The following PELI2 variants were observed in gnomAD, a reference collection of about 807,000 sequenced individuals.
The protein encoded by PELI2 is pellino E3 ubiquitin protein ligase family member 2, also known as E3 ubiquitin-protein ligase pellino homolog 2.
In PELI2, 23 loss-of-function variants were observed where a neutral mutation model predicts 42.3. The observed-to-expected ratio is 0.54, with a 90% CI of 0.39 to 0.77. The LOEUF (loss-of-function observed/expected upper bound fraction) is 0.77. Among genes scored for constraint, PELI2 ranks in the 30% least tolerant of loss-of-function variants. The pLI, the probability that PELI2 is intolerant of heterozygous loss-of-function variation, is 0.00. For missense variants in PELI2, 463 were observed against 553.2 expected, an observed-to-expected ratio of 0.84 and a Z score of 1.64; for synonymous variants, 245 against 212.2, an observed-to-expected ratio of 1.15 and a Z score of -1.34.
chr14:56,277,804 A>C lies in PELI2; in HGVS notation c.208-1872A>C, dbSNP rs528946854. ...GAATAAAAAACAAAATTTATAATTT[A>C]AGGTAAGCTGTTTTAAGCATGAGCA... On this transcript the variant is annotated intron_variant, in intron 2 of 5. Coordinates refer to ENST00000267460, the MANE Select transcript of PELI2 (RefSeq NM_021255.3). Among the ~76,000 whole-genome samples the C allele has an allele frequency of 4.2e-4, 64 of 152,328 alleles. 4 individuals carry two copies. The South Asian group carries it at 9.1e-3, about 22-fold the overall frequency.
chr14:56,134,191 A>G (rs1883601620), intron 1 of PELI2, among the ~76,000 whole-genome samples: 1 of 152,198 alleles, frequency 6.6e-6, no homozygotes, highest in African/African-American at 2.4e-5. Context: ...AAACTTTAAG[A>G]AAGAGAAGGG....
At chr14:56,218,638 T>C (rs1886998644) in intron 2 of PELI2, among the ~76,000 whole-genome samples, 1 of 152,240 alleles carries the variant, frequency 6.6e-6, no homozygotes, top group Non-Finnish European at 1.5e-5. Context: ...TTCTTCTTTA[T>C]TGTTGCGGGT....
chr14:56,173,078 C>G (rs1365009872), intron 1 of PELI2, among the ~76,000 whole-genome samples: 1 of 152,140 alleles, frequency 6.6e-6, no homozygotes, highest in African/African-American at 2.4e-5. Flanking sequence ...GTGAAGGCCC[C>G]AGGGTTATAA....
At chr14:56,262,737 C>A (rs1223786319) in intron 2 of PELI2, among the ~76,000 whole-genome samples, 1 of 152,160 alleles carries the variant, frequency 6.6e-6, no homozygotes, top group African/African-American at 2.4e-5. Context: ...TGTTCCTGAT[C>A]TAACTCTCTC....
intron 1 of PELI2, among the ~76,000 whole-genome samples, chr14:56,132,254 C>T (rs372136412): frequency 1.3e-5 from 2 of 152,336 alleles, no homozygotes; most frequent in South Asian, 4.1e-4. Context: ...ATCCAGGTCT[C>T]AGATTCTAAA....
chr14:56,127,806 A>G (rs1390526972), intron 1 of PELI2, among the ~76,000 whole-genome samples: 1 of 152,204 alleles, frequency 6.6e-6, no homozygotes, highest in Admixed American at 6.5e-5. Flanking sequence ...TTTCATTTCT[A>G]ATGAGAGGGA....
intron 1 of PELI2, among the ~76,000 whole-genome samples, chr14:56,147,040 A>G (rs925479924): frequency 6.6e-6 from 1 of 152,182 alleles, no homozygotes; most frequent in Non-Finnish European, 1.5e-5. Context: ...TTCATAACGT[A>G]GGATCACACA....
In PELI2 at chr14:56,288,804, A is replaced by G. The variant is rs1889727053; in HGVS notation, c.507+170A>G. ...GAAACTTGTTATTAAAAATCTGAAC[A>G]TTAATAAGCATTGCTTGTTATTCAT... On this transcript the variant is annotated intron_variant, in intron 4 of 5. Coordinates refer to ENST00000267460, the MANE Select transcript of PELI2 (RefSeq NM_021255.3). This position sits in a 1 kb window ranked among gnomAD's most constrained non-coding sequence, Gnocchi z 4.6. Among the ~76,000 whole-genome samples the G allele has an allele frequency of 6.6e-6, 1 of 152,226 alleles. No individual in the cohort carries two copies. The highest frequency in any genetic ancestry group is 1.5e-5 in the Non-Finnish European group (1 of 68,042).
chr14:56,181,285 A>G lies in PELI2; in HGVS notation c.207+2821A>G, dbSNP rs537071851. 1.4e-4 allele frequency among the ~76,000 whole-genome samples: 20 copies of G among 142,864 alleles called. No individual in the cohort carries two copies. The South Asian group carries it at 1.6e-3, about 11-fold the overall frequency. 93.7% of individuals were successfully genotyped at this position (142,864 alleles called of 152,430 possible). A position where few individuals can be genotyped will look rare whatever the true frequency, so the allele number is the denominator to read the frequency against. ...TCCAGATTCTCTTTCTCTGGGCTCT[A>G]TGGATATCCTTCTTCCTGTGTCTCT... is the stretch of plus-strand genomic sequence containing the variant. On this transcript the variant is annotated intron_variant, in intron 2 of 5. Transcript: ENST00000267460.
intron 3 of PELI2, among the ~76,000 whole-genome samples, chr14:56,283,800 T>C (rs1226247267): frequency 1.3e-5 from 2 of 152,184 alleles, no homozygotes; most frequent in East Asian, 1.9e-4. Flanking sequence ...TAAGGAAATA[T>C]AACACATTAC....
intron 2 of PELI2, among the ~76,000 whole-genome samples, chr14:56,228,617 A>T (rs569619467): frequency 6.6e-6 from 1 of 152,364 alleles, no homozygotes; most frequent in African/African-American, 2.4e-5. Context: ...GTTAAGATTT[A>T]AAAAATGGCT....
intron 5 of PELI2, among the ~76,000 whole-genome samples, chr14:56,294,648 C>T (rs1889939878): frequency 6.6e-6 from 1 of 152,204 alleles, no homozygotes; most frequent in Non-Finnish European, 1.5e-5. Context: ...GGGACCCTGC[C>T]TGGGCAGTGG....
rs1882929937 is a variant in PELI2, at chr14:56,118,442, C to G, written c.-219C>G. 3.3e-6 allele frequency: 1 copy of G among 303,376 alleles called. No individual in the cohort carries two copies. Among genetic ancestry groups the G allele is most frequent in the South Asian group, 1.6e-4 (1 of 6,314 alleles). 18.8% of individuals were successfully genotyped at this position (303,376 alleles called of 1,614,324 possible). Reference sequence around the variant, plus strand: ...TGTTGCCGGCTCTGACTCGGGGCGGCCGCGGCGCGCGGAGCTCCGGGGAGT... The same window carrying G: ...TGTTGCCGGCTCTGACTCGGGGCGGGCGCGGCGCGCGGAGCTCCGGGGAGT... On this transcript the variant is annotated 5_prime_UTR_variant, in exon 1 of 6. Transcript: ENST00000267460.
At chr14:56,125,545 G>A (rs935731369) in intron 1 of PELI2, among the ~76,000 whole-genome samples, 2 of 151,968 alleles carry the variant, frequency 1.3e-5, no homozygotes, top group African/African-American at 2.4e-5. Flanking sequence ...CACTTCTTTC[G>A]GTTTTTACTT....
intron 2 of PELI2, among the ~76,000 whole-genome samples, chr14:56,202,274 T>TA (rs146883724): frequency 0.021 from 3,234 of 152,302 alleles, 104 homozygotes; most frequent in African/African-American, 0.073. Context: ...ACCCCTTTAG[T>TA]AAAAAAATAC....
At position 56,300,180 on chromosome 14, in the gene PELI2, C is replaced by G. The variant is rs1465476943; in HGVS notation, c.*3014C>G. On this transcript the variant is annotated 3_prime_UTR_variant, in exon 6 of 6. Transcript: ENST00000267460. ...CGATAGTTAATTATAGACTTTGGTA[C>G]CTTTGTGCCTCAGGGAAGCCACGTG... The G allele has an allele frequency of 2.0e-5, 3 of 152,460 alleles. No homozygotes were observed. Among genetic ancestry groups the G allele is most frequent in the African/African-American group, 7.3e-5 (3 of 41,376 alleles). The allele number at this position is 152,460 out of a possible 1,614,324, so 9.4% of individuals were successfully genotyped here.
intron 1 of PELI2, among the ~76,000 whole-genome samples, chr14:56,137,125 T>C (rs574875116): frequency 2.5e-4 from 38 of 152,232 alleles, no homozygotes; most frequent in African/African-American, 7.9e-4. Flanking sequence ...AGTTTACAGC[T>C]AGGAGTTAAA....
chr14:56,228,086 C>A (rs1252775369), intron 2 of PELI2, among the ~76,000 whole-genome samples: 2 of 152,226 alleles, frequency 1.3e-5, no homozygotes, highest in East Asian at 3.8e-4. Context: ...ATAATTTTAT[C>A]TGAATAGAAG....
At chr14:56,167,349 C>CT (rs1566616114) in intron 1 of PELI2, among the ~76,000 whole-genome samples, 2 of 152,112 alleles carry the variant, frequency 1.3e-5, no homozygotes, top group East Asian at 1.9e-4. Flanking sequence ...TGTAGGCATG[C>CT]TTTTTTTGTT....
Sources: gnomAD v4.1 joint callset for allele counts (sites outside exome capture counted in the v4.1 genomes callset) on GRCh38, gnomAD v4.1.1 for gene constraint, Gnocchi (gnomAD v3.1) non-coding constraint, MANE v1.5 for transcripts, NCBI Gene and HGNC (gene_info 2026-07-23, HGNC 2026-07-21) for gene names.